SLC4A4: variants seen among roughly 807,000 people sequenced by gnomAD.
The protein encoded by SLC4A4 is solute carrier family 4 member 4.
In SLC4A4, 27 loss-of-function variants were observed where a neutral mutation model predicts 111.5. The observed-to-expected ratio is 0.24, with a 90% confidence interval of 0.18 to 0.33. The LOEUF is 0.33. Among genes scored for constraint, SLC4A4 ranks in the 10% least tolerant of loss-of-function variants. The probability of loss-of-function intolerance (pLI) is 1.00; values close to 1 mark genes in which losing one functional copy is unlikely to be tolerated. For synonymous variants in SLC4A4, 443 were observed against 463.4 expected (o/e 0.96, Z 0.57); for missense variants, 909 against 1,315.5 (o/e 0.69, Z 4.78).
intron 1 of SLC4A4, among the ~76,000 whole-genome samples, chr4:71,216,616 T>A (rs1298402218): frequency 6.6e-6 from 1 of 152,190 alleles, no homozygotes; most frequent in African/African-American, 2.4e-5. Flanking sequence ...TATTTTTGGC[T>A]TCCACCTTGG....
intron 7 of SLC4A4, among the ~76,000 whole-genome samples, chr4:71,404,266 G>C (rs1720636918): frequency 6.6e-6 from 1 of 152,152 alleles, no homozygotes; most frequent in African/African-American, 2.4e-5. Context: ...CTTCACTGGA[G>C]TCCTCTCTGA....
chr4:71,221,632 A>T (rs1037375375), intron 1 of SLC4A4, among the ~76,000 whole-genome samples: 1 of 152,232 alleles, frequency 6.6e-6, no homozygotes, highest in African/African-American at 2.4e-5. Context: ...ATCTTCTAGC[A>T]CTACGTGTTG....
At chr4:71,520,169 C>T (rs1732797789) in intron 16 of SLC4A4, among the ~76,000 whole-genome samples, 1 of 152,168 alleles carries the variant, frequency 6.6e-6, no homozygotes. Flanking sequence ...CTTCCTCACA[C>T]CAACAATTCA....
At chr4:71,500,396 T>C (rs1344660965) in intron 16 of SLC4A4, among the ~76,000 whole-genome samples, 1 of 152,236 alleles carries the variant, frequency 6.6e-6, no homozygotes, top group East Asian at 1.9e-4. Flanking sequence ...TTGCCCAGAC[T>C]AATGTCATGG....
At chr4:71,413,690 C>A (rs1252286296) in intron 7 of SLC4A4, among the ~76,000 whole-genome samples, 1 of 152,104 alleles carries the variant, frequency 6.6e-6, no homozygotes, top group Non-Finnish European at 1.5e-5. Flanking sequence ...TGGGAAAGGG[C>A]GCTTGTTGCT....
intron 9 of SLC4A4, among the ~76,000 whole-genome samples, chr4:71,449,177 A>G (rs1040124867): frequency 3.3e-5 from 5 of 152,148 alleles, no homozygotes; most frequent in African/African-American, 4.8e-5. Flanking sequence ...TTAAAATAGC[A>G]TGTTTTCTTT....
At chr4:71,530,697 A>G (rs1474684590) in intron 16 of SLC4A4, among the ~76,000 whole-genome samples, 1 of 152,066 alleles carries the variant, frequency 6.6e-6, no homozygotes, top group Non-Finnish European at 1.5e-5. Flanking sequence ...CAGGCTCCTG[A>G]CACCTGGTAA....
At chr4:71,153,713 C>T (rs541473887) in intron 2 of SLC4A4, among the ~76,000 whole-genome samples, 1 of 152,048 alleles carries the variant, frequency 6.6e-6, no homozygotes, top group Non-Finnish European at 1.5e-5. Context: ...ATTTCATTAT[C>T]TACACTACAC....
chr4:71,239,374 G>A (rs1055319912), intron 2 of SLC4A4, among the ~76,000 whole-genome samples: 5 of 152,094 alleles, frequency 3.3e-5, no homozygotes, highest in Non-Finnish European at 5.9e-5. Context: ...AAATATTTGT[G>A]CTTTAAAAGT....
chr4:71,199,866 G>T (rs938353685), intron 1 of SLC4A4, among the ~76,000 whole-genome samples: 6 of 152,100 alleles, frequency 3.9e-5, no homozygotes, highest in African/African-American at 1.4e-4. Flanking sequence ...GGCCAGGCTG[G>T]TCTCGAACCC....
At chr4:71,271,231 G>A (rs1722683546) in intron 3 of SLC4A4, among the ~76,000 whole-genome samples, 1 of 152,088 alleles carries the variant, frequency 6.6e-6, no homozygotes, top group South Asian at 2.1e-4. Context: ...TGATTCTGAG[G>A]GATATTTAGA....
Position 71,255,378 on chromosome 4 carries a change from A to G in SLC4A4, c.232A>G (p.Ser78Gly), listed in dbSNP as rs2149061188. Residue 78 changes from serine to glycine, a missense_variant, in exon 3 of 26, where the codon AGC (serine) becomes GGC (glycine). Ser to Gly is a moderately conservative substitution (Grantham distance 56). Coordinates refer to ENST00000264485, the MANE Select transcript of SLC4A4 (RefSeq NM_001098484.3). ...SDIENADESS[S>G]SILKPLISPA... is the part of the protein sequence containing the mutation. ...TATTGAAAATGCTGATGAATCCAGC[A>G]GCAGCATCCTAAAACCTCTCAGTGA... is the stretch of plus-strand genomic sequence containing the variant. 6.2e-7 allele frequency: 1 copy of G among 1,613,582 alleles called. No homozygotes were observed. Among genetic ancestry groups the G allele is most frequent in the East Asian group, 2.2e-5 (1 of 44,876 alleles).
intron 15 of SLC4A4, among the ~76,000 whole-genome samples, chr4:71,488,121 T>C (rs1729586438): frequency 6.7e-6 from 1 of 149,416 alleles, no homozygotes; most frequent in African/African-American, 2.4e-5. Context: ...ATAGTAAAAA[T>C]ATAATTAATA....
At chr4:71,507,873 C>T (rs1360202851) in intron 16 of SLC4A4, among the ~76,000 whole-genome samples, 1 of 152,130 alleles carries the variant, frequency 6.6e-6, no homozygotes, top group African/African-American at 2.4e-5. Flanking sequence ...TGCAAAAGAA[C>T]TGAAATCATA....
At chr4:71,335,802 G>T (rs1229144907) in intron 3 of SLC4A4, among the ~76,000 whole-genome samples, 1 of 151,362 alleles carries the variant, frequency 6.6e-6, no homozygotes, top group Non-Finnish European at 1.5e-5. Flanking sequence ...TCCAGCCTGG[G>T]CAATAGTGTG....
chr4:71,446,072 A>G lies in SLC4A4; in HGVS notation c.966-1574A>G, dbSNP rs1349333941. ...CTGGTTTCTAAGCAAATAAGTACTA[A>G]GTGGTTTTATGGTTATTCTGGTATA... On this transcript the variant is annotated intron_variant, in intron 8 of 25. Coordinates refer to ENST00000264485, the MANE Select transcript of SLC4A4 (RefSeq NM_001098484.3). 2.6e-5 allele frequency among the ~76,000 whole-genome samples: 4 copies of G among 152,314 alleles called. No individual in the cohort carries two copies. The East Asian group carries it at 7.7e-4, about 29-fold the overall frequency.
At chr4:71,279,870 A>C (rs1244827798) in intron 3 of SLC4A4, among the ~76,000 whole-genome samples, 1 of 152,132 alleles carries the variant, frequency 6.6e-6, no homozygotes, top group Non-Finnish European at 1.5e-5. Context: ...ATCTTGGCTC[A>C]CTGCAACCTC....
At chr4:71,532,486 C>T (rs767019885) in intron 17 of SLC4A4, among the ~76,000 whole-genome samples, 5 of 151,922 alleles carry the variant, frequency 3.3e-5, no homozygotes, top group East Asian at 1.9e-4. Flanking sequence ...CTGGGAAATA[C>T]GTATTGTAAC....
At chr4:71,147,925 C>A (rs2148970298) in intron 2 of SLC4A4, among the ~76,000 whole-genome samples, 1 of 152,260 alleles carries the variant, frequency 6.6e-6, no homozygotes. Flanking sequence ...CTAGAGGGAA[C>A]TGGGCTGGTT....
Sources: allele counts gnomAD v4.1 joint callset (sites outside exome capture counted in the v4.1 genomes callset), GRCh38; gene constraint gnomAD v4.1.1; transcripts MANE v1.5; gene names NCBI Gene and HGNC (gene_info 2026-07-23, HGNC 2026-07-21).